PLCG2: variants seen among roughly 807,000 people sequenced by gnomAD.
The protein encoded by PLCG2 is 1-phosphatidylinositol 4,5-bisphosphate phosphodiesterase gamma-2.
In PLCG2, 69 loss-of-function variants were observed where a neutral mutation model predicts 175.6. That is an observed-to-expected ratio of 0.39 (90% confidence interval 0.32 to 0.48). PLCG2 has a LOEUF of 0.48. Among genes scored for constraint, PLCG2 ranks in the 20% least tolerant of loss-of-function variants. The pLI is 0.91. For synonymous variants in PLCG2, 827 were observed against 624.0 expected (o/e 1.33, Z -4.85); for missense variants, 1,798 against 1,650.9 (o/e 1.09, Z -1.54).
At chr16:81,837,343 G>A (rs1370244284) in intron 2 of PLCG2, among the ~76,000 whole-genome samples, 1 of 152,236 alleles carries the variant, frequency 6.6e-6, no homozygotes, top group Non-Finnish European at 1.5e-5. Flanking sequence ...CTATAGCTGT[G>A]TGACCTTTGC....
chr16:81,842,007 G>C (rs1379408701), intron 2 of PLCG2, among the ~76,000 whole-genome samples: 1 of 152,216 alleles, frequency 6.6e-6, no homozygotes. Flanking sequence ...CCCTCCTGGG[G>C]CCACGTGATT....
intron 7 of PLCG2, among the ~76,000 whole-genome samples, chr16:81,872,476 G>C (rs1448885462): frequency 6.6e-6 from 1 of 152,210 alleles, no homozygotes; most frequent in Non-Finnish European, 1.5e-5. Flanking sequence ...AGGAAGGATA[G>C]TTACCTTTTC....
At chr16:81,814,538 T>C (rs1315020755) in intron 2 of PLCG2, among the ~76,000 whole-genome samples, 1 of 151,822 alleles carries the variant, frequency 6.6e-6, no homozygotes, top group African/African-American at 2.4e-5. Flanking sequence ...ACTAAAACAA[T>C]ACGAAAATTA....
At chr16:81,778,066 A>ATAT (rs1567457940), upstream of PLCG2, among the ~76,000 whole-genome samples, 1 of 84,912 alleles carries the variant, frequency 1.2e-5, no homozygotes. Context: ...AAAAAAAACC[A>ATAT]AAAACACACA....
intron 1 of PLCG2, among the ~76,000 whole-genome samples, chr16:81,784,323 C>T (rs376636200): frequency 6.6e-6 from 1 of 152,258 alleles, no homozygotes; most frequent in Non-Finnish European, 1.5e-5. Context: ...AACTGAGACC[C>T]TGGTAAATGC....
At chr16:81,860,165 TATTATTA>T (rs910888438) in intron 5 of PLCG2, among the ~76,000 whole-genome samples, 37 of 100,172 alleles carry the variant, frequency 3.7e-4, no homozygotes, top group Middle Eastern at 5.1e-3. Context: ...TTATTATTAT[TATTATTA>T]TTTTTTTTTT....
rs1222247851 is a variant in PLCG2 at position 81,959,287 on chromosome 16, C to G, written c.*1289C>G. ...CTGGCCCCTAGAAACCCATCTGACCCTCCTCTTGTTACCCGAAATGCTGGG... is the reference window on the plus strand; with the variant it reads ...CTGGCCCCTAGAAACCCATCTGACCGTCCTCTTGTTACCCGAAATGCTGGG... On this transcript the variant is annotated 3_prime_UTR_variant, in exon 33 of 33. Coordinates refer to ENST00000564138, the MANE Select transcript of PLCG2 (RefSeq NM_002661.5). 1 of 224,126 alleles carries G rather than the reference C, an allele frequency of 4.5e-6. No homozygotes were observed. Among genetic ancestry groups the G allele is most frequent in the African/African-American group, 2.2e-5 (1 of 44,792 alleles). 13.9% of individuals were successfully genotyped at this position (224,126 alleles called of 1,614,324 possible). A position where few individuals can be genotyped will look rare whatever the true frequency, so the allele number is the denominator to read the frequency against.
intron 7 of PLCG2, 68 bp downstream of exon 7, chr16:81,871,003 G>A (rs1907487883): frequency 1.2e-6 from 1 of 843,632 alleles, no homozygotes; most frequent in South Asian, 1.6e-5. Context: ...AGTCTGGCAT[G>A]TTCCTAAGAA....
In PLCG2 at chr16:81,928,547, T is replaced by C. The variant is rs763009061; in HGVS notation, c.2515-11T>C. On this transcript the variant is annotated splice_polypyrimidine_tract_variant and intron_variant, in intron 23 of 32. Coordinates refer to ENST00000564138, the MANE Select transcript of PLCG2 (RefSeq NM_002661.5). ...TACAACTAACGTGAGTTATGTCTTG[T>C]TTCTTCACAGATTATTGAAGACAAT... 1.3e-6 allele frequency: 2 copies of C among 1,579,118 alleles called. No individual in the cohort carries two copies. Among genetic ancestry groups the C allele is most frequent in the Non-Finnish European group, 1.7e-6 (2 of 1,148,038 alleles).
intron 30 of PLCG2, among the ~76,000 whole-genome samples, chr16:81,944,845 T>A (rs1042895764): frequency 6.6e-6 from 1 of 151,906 alleles, no homozygotes; most frequent in African/African-American, 2.4e-5. Context: ...CCTGAACGAG[T>A]CCCCCATAGA....
chr16:81,892,995 C>T (rs1017518181), intron 11 of PLCG2, among the ~76,000 whole-genome samples: 1 of 152,086 alleles, frequency 6.6e-6, no homozygotes, highest in South Asian at 2.1e-4. Context: ...CGGGCACGAG[C>T]CACCATGCCC....
intron 32 of PLCG2, 101 bp downstream of exon 32, chr16:81,956,980 T>C (rs896218670): frequency 1.2e-5 from 12 of 1,031,864 alleles, no homozygotes; most frequent in East Asian, 9.8e-5. Context: ...CTGAGTTGCT[T>C]TCTTCAGAAA....
At chr16:81,901,198 G>C (rs1909136885) in intron 14 of PLCG2, among the ~76,000 whole-genome samples, 1 of 152,026 alleles carries the variant, frequency 6.6e-6, no homozygotes, top group Admixed American at 6.6e-5. Flanking sequence ...CCTGGGTGCT[G>C]TTCCTGTGAT....
rs1910141314 is a variant in PLCG2 at position 81,923,541 on chromosome 16, G to T, written c.2364G>T (p.Leu788=). 1.9e-6 allele frequency: 3 copies of T among 1,613,962 alleles called. No homozygotes were observed. Among genetic ancestry groups the T allele is most frequent in the Non-Finnish European group, 2.5e-6 (3 of 1,179,890 alleles). The change falls in exon 22 of 33, where the codon CTG becomes CTT. Residue 788 remains leucine, a synonymous_variant. Transcript: ENST00000564138. ...YDYKAKRSDE[L]SFCRGALIHN... ...ACAAAGCCAAGCGAAGCGATGAGCT[G>T]AGCTTCTGCCGTGGTGCCCTCATCC... is the stretch of plus-strand genomic sequence containing the variant.
At chr16:81,914,490 G>T (rs1909758265) in intron 19 of PLCG2, among the ~76,000 whole-genome samples, 1 of 152,196 alleles carries the variant, frequency 6.6e-6, no homozygotes, top group South Asian at 2.1e-4. Context: ...TCCTCAGGTT[G>T]ATTGCCTGAC....
chr16:81,765,912 C>T (rs1268394567), intron 2 of PLCG2, among the ~76,000 whole-genome samples: 2 of 152,236 alleles, frequency 1.3e-5, no homozygotes, highest in African/African-American at 2.4e-5. Context: ...TGGGGGCCCC[C>T]ACAGGGAGCT....
intron 2 of PLCG2, among the ~76,000 whole-genome samples, chr16:81,820,823 G>C (rs1904764379): frequency 6.7e-6 from 1 of 149,818 alleles, no homozygotes; most frequent in Non-Finnish European, 1.5e-5. Flanking sequence ...GTCTCATCAT[G>C]TTGGCTAGGC....
chr16:81,928,481 C>T (rs753678019), intron 23 of PLCG2, 77 bp from the exon 24 acceptor site: 16 of 895,730 alleles, frequency 1.8e-5, no homozygotes, highest in Non-Finnish European at 2.5e-5. Context: ...CTCTGCTAAA[C>T]GGTGTGCTTT....
chr16:81,908,357 T>C, intron 16 of PLCG2, 59 bp from the exon 17 acceptor site: 2 of 1,486,904 alleles, frequency 1.3e-6, no homozygotes, highest in Non-Finnish European at 1.9e-6. Flanking sequence ...AGGACCTGTC[T>C]AGTGATGCTG....
Sources: gnomAD v4.1 joint callset for allele counts (sites outside exome capture counted in the v4.1 genomes callset) on GRCh38, gnomAD v4.1.1 for gene constraint, MANE v1.5 for transcripts, NCBI Gene and HGNC (gene_info 2026-07-23, HGNC 2026-07-21) for gene names.